GRM5: variants seen among roughly 807,000 people sequenced by gnomAD.
The protein encoded by GRM5 is glutamate metabotropic receptor 5, also known as metabotropic glutamate receptor 5.
GRM5 carries 19 observed loss-of-function variants against 83.1 expected under a neutral mutation model. That is an observed-to-expected ratio of 0.23 (90% CI 0.16 to 0.34). GRM5 has a LOEUF of 0.34. Among genes scored for constraint, GRM5 ranks in the 10% least tolerant of loss-of-function variants. The pLI, the probability that GRM5 is intolerant of heterozygous loss-of-function variation, is 1.00. For synonymous variants in GRM5, 675 were observed against 633.6 expected (o/e 1.07, Z -0.98); for missense variants, 1,160 against 1,588.3 (o/e 0.73, Z 4.58).
At chr11:88,600,508 A>G (rs1251522033) in intron 5 of GRM5, among the ~76,000 whole-genome samples, 1 of 152,082 alleles carries the variant, frequency 6.6e-6, no homozygotes, top group Non-Finnish European at 1.5e-5. Flanking sequence ...ATTTAAACCT[A>G]GAATATTCTA....
chr11:88,622,170 G>C (rs1938656655), intron 4 of GRM5, among the ~76,000 whole-genome samples: 4 of 152,114 alleles, frequency 2.6e-5, no homozygotes, highest in Admixed American at 2.6e-4. Flanking sequence ...TTAAAGAAGA[G>C]ATAGGAGAGG....
chr11:88,724,874 G>C (rs1941637640), intron 3 of GRM5, among the ~76,000 whole-genome samples: 1 of 152,116 alleles, frequency 6.6e-6, no homozygotes, highest in Non-Finnish European at 1.5e-5. Flanking sequence ...TTCTGGCCCA[G>C]ATACTATGCT....
At chr11:88,552,170 G>C (rs956044679) in intron 8 of GRM5, among the ~76,000 whole-genome samples, 1 of 151,770 alleles carries the variant, frequency 6.6e-6, no homozygotes, top group Admixed American at 6.6e-5. Flanking sequence ...TATGATAGCT[G>C]TCTGTCACCA....
chr11:88,992,992 G>A (rs1395204416), intron 2 of GRM5, among the ~76,000 whole-genome samples: 2 of 151,058 alleles, frequency 1.3e-5, no homozygotes, highest in African/African-American at 4.9e-5. Flanking sequence ...TTGTGCACAT[G>A]TACCCTAGAA....
chr11:88,784,182 G>A (rs1442806664), intron 3 of GRM5, among the ~76,000 whole-genome samples: 2 of 152,040 alleles, frequency 1.3e-5, no homozygotes, highest in Non-Finnish European at 2.9e-5. Flanking sequence ...AAACAAGCAT[G>A]TATCTTGTTT....
In GRM5 at chr11:88,885,450, G is replaced by GGTTTTTTTTTTTTTTTTTTTTT. The variant is rs1945027301; in HGVS notation, c.662-35296_662-35295insAAAAAAAAAAAAAAAAAAAAAC. ...TTCTGAATTCTATAGTAGGTACCAT[G>GGTTTTTTTTTTTTTTTTTTTTT]TTTTTTTTTTTTTTTTTTTTTTTTT... On this transcript the variant is annotated intron_variant, in intron 2 of 9. Coordinates refer to ENST00000305447, the MANE Select transcript of GRM5 (RefSeq NM_001143831.3). Among the ~76,000 whole-genome samples, 15 of 62,666 alleles carry GGTTTTTTTTTTTTTTTTTTTTT rather than the reference G, an allele frequency of 2.4e-4. 6 individuals carry two copies. Among genetic ancestry groups the GGTTTTTTTTTTTTTTTTTTTTT allele is most frequent in the South Asian group, 1.3e-3 (2 of 1,558 alleles). The allele number at this position is 62,666 out of a possible 152,430, so 41.1% of individuals were successfully genotyped here.
chr11:88,923,299 G>T (rs1467479374), intron 2 of GRM5, among the ~76,000 whole-genome samples: 1 of 152,090 alleles, frequency 6.6e-6, no homozygotes, highest in African/African-American at 2.4e-5. Context: ...TAAGCAAACC[G>T]AAGTGTTCAT....
At chr11:88,645,242 T>C (rs964247185) in intron 4 of GRM5, among the ~76,000 whole-genome samples, 1 of 152,136 alleles carries the variant, frequency 6.6e-6, no homozygotes, top group Non-Finnish European at 1.5e-5. Context: ...ATATCTGTGC[T>C]CAGTGTCTGG....
intron 2 of GRM5, among the ~76,000 whole-genome samples, chr11:88,997,948 C>T (rs1940244960): frequency 6.6e-6 from 1 of 151,812 alleles, no homozygotes; most frequent in Non-Finnish European, 1.5e-5. Context: ...TCTCAATATG[C>T]TTTATGAATA....
intron 2 of GRM5, among the ~76,000 whole-genome samples, chr11:89,005,916 T>C (rs991766745): frequency 1.3e-5 from 2 of 152,086 alleles, no homozygotes; most frequent in Non-Finnish European, 2.9e-5. Flanking sequence ...TATTTAAGAG[T>C]GCAGTCTAGT....
At chr11:88,692,986 A>T (rs2135362281) in intron 3 of GRM5, among the ~76,000 whole-genome samples, 1 of 152,304 alleles carries the variant, frequency 6.6e-6, no homozygotes, top group African/African-American at 2.4e-5. Context: ...ACTGTGCCTG[A>T]ATCACTGCAC....
intron 1 of GRM5, among the ~76,000 whole-genome samples, chr11:89,062,902 G>T (rs1371852224): frequency 6.6e-6 from 1 of 152,252 alleles, no homozygotes; most frequent in Non-Finnish European, 1.5e-5. Context: ...CCCGCCGTGG[G>T]ATAACTAGCA....
intron 2 of GRM5, among the ~76,000 whole-genome samples, chr11:88,939,309 C>A (rs1315303527): frequency 6.6e-6 from 1 of 151,658 alleles, no homozygotes; most frequent in African/African-American, 2.4e-5. Flanking sequence ...TTTTATAATG[C>A]AAAATAATTT....
At chr11:88,913,012 T>C (rs1404624846) in intron 2 of GRM5, among the ~76,000 whole-genome samples, 1 of 152,216 alleles carries the variant, frequency 6.6e-6, no homozygotes, top group Non-Finnish European at 1.5e-5. Flanking sequence ...TAATAACTTT[T>C]GAACAAATGC....
intron 4 of GRM5, among the ~76,000 whole-genome samples, chr11:88,631,894 TAA>T (rs1938979366): frequency 6.6e-6 from 1 of 152,184 alleles, no homozygotes; most frequent in African/African-American, 2.4e-5. Context: ...GCCTGAGAAA[TAA>T]GTCTGAAAGA....
intron 3 of GRM5, among the ~76,000 whole-genome samples, chr11:88,744,752 C>G (rs944828463): frequency 6.6e-6 from 1 of 152,090 alleles, no homozygotes; most frequent in African/African-American, 2.4e-5. Flanking sequence ...AATCCTGACT[C>G]AGGAATCAAC....
In GRM5 at chr11:88,509,245, C is replaced by G. The variant is rs774449806; in HGVS notation, c.2986G>C (p.Gly996Arg). 2.3e-5 allele frequency: 34 copies of G among 1,496,142 alleles called. No individual in the cohort carries two copies. Among genetic ancestry groups the G allele is most frequent in the African/African-American group, 2.9e-5 (2 of 68,138 alleles). The allele number at this position is 1,496,142 out of a possible 1,614,324, so 92.7% of individuals were successfully genotyped here. ...GCCACATCATACAGCGCCTTGGGGC[C>G]GGCGTCTGGGGACTCGGGCCCGCCT... ...GPGGPESPDAGPKALYDVAEA... is the reference protein window; with the variant it reads ...GPGGPESPDARPKALYDVAEA... The change falls in exon 10 of 10, where the codon GGC (glycine) becomes CGC (arginine). Residue 996 changes from glycine to arginine, a missense_variant. Transcript: ENST00000305447.
rs191543748 is a variant in GRM5 at position 88,776,535 on chromosome 11, G to A, written c.911+73371C>T. Among the ~76,000 whole-genome samples, 45 of 152,212 alleles carry A rather than the reference G, an allele frequency of 3.0e-4. 1 individual carries two copies. In the East Asian group the frequency reaches 6.8e-3, roughly 23 times the overall value. The stretch of plus-strand genomic sequence containing the variant: ...ATTGATGCAGTTTCTTCATAGCATC[G>A]ATGGTCTTTACAATTTGGCACATTT... On this transcript the variant is annotated intron_variant, in intron 3 of 9. Transcript: ENST00000305447.
intron 2 of GRM5, among the ~76,000 whole-genome samples, chr11:89,009,769 C>T (rs1311333822): frequency 1.3e-5 from 2 of 150,510 alleles, no homozygotes; most frequent in Admixed American, 6.6e-5. Flanking sequence ...GGCGTGGTAG[C>T]GGGCGCCTGT....
Sources: allele counts gnomAD v4.1 joint callset (sites outside exome capture counted in the v4.1 genomes callset), GRCh38; gene constraint gnomAD v4.1.1; transcripts MANE v1.5; gene names NCBI Gene and HGNC (gene_info 2026-07-23, HGNC 2026-07-21).